AKAP6: variants seen among roughly 807,000 people sequenced by gnomAD.
The protein encoded by AKAP6 is A-kinase anchoring protein 6.
A neutral mutation model predicts 188.5 loss-of-function variants in AKAP6; 58 were observed. The ratio of observed to expected loss-of-function variants is 0.31; its 90% CI spans 0.25 to 0.38. The LOEUF is 0.38. Among genes scored for constraint, AKAP6 ranks in the 10% least tolerant of loss-of-function variants. AKAP6 has a pLI of 1.00. For synonymous variants in AKAP6, 989 were observed against 998.6 expected, an observed-to-expected ratio of 0.99 and a Z score of 0.18; for missense variants, 2,710 against 2,740.0, an observed-to-expected ratio of 0.99 and a Z score of 0.24.
At chr14:32,770,432 G>A (rs997514672) in intron 11 of AKAP6, among the ~76,000 whole-genome samples, 2 of 151,974 alleles carry the variant, frequency 1.3e-5, no homozygotes, top group Non-Finnish European at 2.9e-5. Flanking sequence ...TTCTAGGAAG[G>A]CAATATGACT....
At chr14:32,602,637 G>T (rs956464500) in intron 7 of AKAP6, among the ~76,000 whole-genome samples, 1 of 152,128 alleles carries the variant, frequency 6.6e-6, no homozygotes, top group African/African-American at 2.4e-5. Context: ...TACACTGAGG[G>T]CCTACTTTTT....
At chr14:32,454,673 C>T (rs1367829527) in intron 2 of AKAP6, among the ~76,000 whole-genome samples, 2 of 44,606 alleles carry the variant, frequency 4.5e-5, no homozygotes, top group African/African-American at 6.6e-4. Flanking sequence ...CCCTCCTTCC[C>T]TCCTTCCCTC....
At chr14:32,370,051 A>G (rs1204567427) in intron 1 of AKAP6, among the ~76,000 whole-genome samples, 1 of 152,194 alleles carries the variant, frequency 6.6e-6, no homozygotes, top group Non-Finnish European at 1.5e-5. Flanking sequence ...CAAACAAAAA[A>G]TTATAACCTC....
At chr14:32,346,895 G>A (rs1401597934) in intron 1 of AKAP6, among the ~76,000 whole-genome samples, 1 of 152,174 alleles carries the variant, frequency 6.6e-6, no homozygotes, top group Non-Finnish European at 1.5e-5. Context: ...AAAAAGTTTG[G>A]GGTGGTGATA....
At chr14:32,550,562 G>A (rs541937110) in intron 4 of AKAP6, among the ~76,000 whole-genome samples, 6 of 152,122 alleles carry the variant, frequency 3.9e-5, no homozygotes, top group Non-Finnish European at 7.4e-5. Context: ...GCGCTCTCCC[G>A]CATGCTCTCC....
chr14:32,523,169 G>C (rs939244197), intron 2 of AKAP6, among the ~76,000 whole-genome samples: 1 of 149,142 alleles, frequency 6.7e-6, no homozygotes, highest in Non-Finnish European at 1.5e-5. Context: ...ACACACCGGG[G>C]CCTGTCTTGG....
At chr14:32,416,382 G>C (rs1332675182) in intron 1 of AKAP6, among the ~76,000 whole-genome samples, 1 of 151,866 alleles carries the variant, frequency 6.6e-6, no homozygotes, top group Non-Finnish European at 1.5e-5. Flanking sequence ...TTTTGAATTG[G>C]GCCTTTTGTT....
chr14:32,766,756 G>T (rs2032731297), intron 11 of AKAP6, among the ~76,000 whole-genome samples: 1 of 152,078 alleles, frequency 6.6e-6, no homozygotes, highest in Non-Finnish European at 1.5e-5. Flanking sequence ...CATCTGAAGT[G>T]CAAAAGCTTT....
chr14:32,820,727 A>G (rs1279368499), intron 12 of AKAP6, among the ~76,000 whole-genome samples: 2 of 152,178 alleles, frequency 1.3e-5, no homozygotes, highest in East Asian at 3.9e-4. Flanking sequence ...TTCAGGGTCT[A>G]GGAAGATACA....
rs560494749 is a variant in AKAP6, at chr14:32,801,502, G to A, written c.3589-19900G>A. Among the ~76,000 whole-genome samples the A allele has an allele frequency of 1.3e-4, 20 of 152,184 alleles. 1 individual carries two copies. In the South Asian group the frequency reaches 3.7e-3, roughly 28 times the overall value. On this transcript the variant is annotated intron_variant, in intron 12 of 13. Coordinates refer to ENST00000280979, the MANE Select transcript of AKAP6 (RefSeq NM_004274.5). ...TATGTATGGCCTAATCACCCAGTAC[G>A]TTGTTACTACTGTTAATTTAAACAG...
intron 4 of AKAP6, among the ~76,000 whole-genome samples, chr14:32,565,948 A>G (rs1884167229): frequency 1.3e-5 from 2 of 152,152 alleles, no homozygotes; most frequent in African/African-American, 4.8e-5. Context: ...GATTTCCTCC[A>G]GGAAGTCCCC....
In AKAP6 at chr14:32,833,994, A is replaced by G. The variant is rs1329523526; in HGVS notation, c.*4189A>G. On this transcript the variant is annotated 3_prime_UTR_variant, in exon 14 of 14. Coordinates refer to ENST00000280979, the MANE Select transcript of AKAP6 (RefSeq NM_004274.5). ...TTTTTGTATGATTAAATCATTTGAAATTAAATTGTAGAGTATGATACTTCA... is the reference window on the plus strand; with the variant it reads ...TTTTTGTATGATTAAATCATTTGAAGTTAAATTGTAGAGTATGATACTTCA... 6.6e-6 allele frequency: 1 copy of G among 152,214 alleles called. No individual in the cohort carries two copies. The highest frequency in any genetic ancestry group is 1.9e-4 in the East Asian group (1 of 5,194). 9.4% of individuals were successfully genotyped at this position (152,214 alleles called of 1,614,324 possible).
At chr14:32,752,382 A>T (rs374867444) in intron 11 of AKAP6, among the ~76,000 whole-genome samples, 89 of 152,232 alleles carry the variant, frequency 5.8e-4, no homozygotes, top group African/African-American at 2.1e-3. Context: ...AGAAAGTCCT[A>T]TTAGGAGGTT....
At chr14:32,391,576 C>T (rs1888717709) in intron 1 of AKAP6, among the ~76,000 whole-genome samples, 1 of 152,186 alleles carries the variant, frequency 6.6e-6, no homozygotes, top group Non-Finnish European at 1.5e-5. Flanking sequence ...TCCACCTGGA[C>T]TCTGGTTGGG....
At chr14:32,769,440 A>G (rs1052815110) in intron 11 of AKAP6, among the ~76,000 whole-genome samples, 1 of 152,042 alleles carries the variant, frequency 6.6e-6, no homozygotes, top group Non-Finnish European at 1.5e-5. Context: ...ATTATCATAT[A>G]TGCAGATTAT....
chr14:32,663,087 A>G (rs141730649), intron 7 of AKAP6, among the ~76,000 whole-genome samples: 383 of 152,222 alleles, frequency 2.5e-3, no homozygotes, highest in African/African-American at 8.9e-3. Flanking sequence ...TTTGTTCAAT[A>G]TACAACAATC....
chr14:32,472,105 A>G (rs1241934038), intron 2 of AKAP6, among the ~76,000 whole-genome samples: 4 of 152,088 alleles, frequency 2.6e-5, no homozygotes, highest in Non-Finnish European at 5.9e-5. Flanking sequence ...TGGGAAAAGC[A>G]CCTCTGAGAG....
At chr14:32,500,504 G>A (rs750335151) in intron 2 of AKAP6, among the ~76,000 whole-genome samples, 2 of 152,112 alleles carry the variant, frequency 1.3e-5, no homozygotes, top group Non-Finnish European at 2.9e-5. Context: ...TTGGAAGGAG[G>A]GCACACTTAC....
intron 7 of AKAP6, among the ~76,000 whole-genome samples, chr14:32,650,296 C>A (rs902872729): frequency 6.6e-6 from 1 of 152,166 alleles, no homozygotes; most frequent in Non-Finnish European, 1.5e-5. Flanking sequence ...TTCAGACATA[C>A]CAGTGCGGCA....
Sources: allele counts gnomAD v4.1 joint callset (sites outside exome capture counted in the v4.1 genomes callset), GRCh38; gene constraint gnomAD v4.1.1; transcripts MANE v1.5; gene names NCBI Gene and HGNC (gene_info 2026-07-23, HGNC 2026-07-21).